Variants in CARF observed in about 807,000 individuals in gnomAD.
CARF encodes calcium-responsive transcription factor.
A neutral mutation model predicts 82.0 loss-of-function variants in CARF; 57 were observed. The observed-to-expected ratio is 0.70, with a 90% CI of 0.56 to 0.87. The LOEUF (loss-of-function observed/expected upper bound fraction) is 0.87, where lower values mean the gene tolerates loss of function less well. Among genes scored for constraint, CARF ranks in the 40% least tolerant of loss-of-function variants. The pLI, the probability that CARF is intolerant of heterozygous loss-of-function variation, is 0.00. For synonymous variants in CARF, 268 were observed against 290.1 expected, an observed-to-expected ratio of 0.92 and a Z score of 0.77; for missense variants, 771 against 855.8, an observed-to-expected ratio of 0.90 and a Z score of 1.24.
intron 14 of CARF, among the ~76,000 whole-genome samples, chr2:202,979,928 T>C (rs543986259): frequency 1.3e-5 from 2 of 152,352 alleles, no homozygotes; most frequent in East Asian, 3.9e-4. Flanking sequence ...AGTTGTATTA[T>C]GGAAGCAATA....
intron 8 of CARF, 142 bp downstream of exon 8, chr2:202,955,900 ATTG>A (rs2059014780): frequency 1.9e-6 from 1 of 515,800 alleles, no homozygotes; most frequent in Non-Finnish European, 3.4e-6. Context: ...GATCTCATCT[ATTG>A]TTGAATTCTT....
chr2:202,940,215 G>A (rs981495894), intron 3 of CARF, among the ~76,000 whole-genome samples: 3 of 151,660 alleles, frequency 2.0e-5, no homozygotes, highest in East Asian at 3.9e-4. Flanking sequence ...TGTATTTTTA[G>A]TAGAGACAGG....
chr2:202,957,861 G>A (rs141834259), intron 8 of CARF, among the ~76,000 whole-genome samples: 122 of 152,004 alleles, frequency 8.0e-4, no homozygotes, highest in African/African-American at 2.4e-3. Context: ...CAGGAGAATC[G>A]CTTGATTTTA....
chr2:202,982,452 A>T lies in CARF; in HGVS notation c.2059+11A>T. The T allele has an allele frequency of 1.2e-6, 2 of 1,613,050 alleles. No homozygotes were observed. Among genetic ancestry groups the T allele is most frequent in the Non-Finnish European group, 1.7e-6 (2 of 1,179,480 alleles). On this transcript the variant is annotated intron_variant, in intron 16 of 16. Coordinates refer to ENST00000438828, the MANE Select transcript of CARF (RefSeq NM_024744.17). Reference sequence around the variant, plus strand: ...ACCACTCAGCTCTTAGTAAGTTGAAATCAATTTATGATGTTATTGTTGTAA... The same window carrying T: ...ACCACTCAGCTCTTAGTAAGTTGAATTCAATTTATGATGTTATTGTTGTAA...
intron 5 of CARF, among the ~76,000 whole-genome samples, chr2:202,947,852 G>A (rs2105826732): frequency 6.6e-6 from 1 of 152,176 alleles, no homozygotes; most frequent in Non-Finnish European, 1.5e-5. Flanking sequence ...AAGCTCTTAA[G>A]TTTATTTAGA....
chr2:202,928,752 C>T (rs1363104963), intron 3 of CARF, among the ~76,000 whole-genome samples: 2 of 152,046 alleles, frequency 1.3e-5, no homozygotes, highest in East Asian at 1.9e-4. Context: ...GTTGACCATT[C>T]GTATGTCTTC....
intron 2 of CARF, among the ~76,000 whole-genome samples, chr2:202,920,988 C>G (rs1690686191): frequency 1.3e-5 from 2 of 151,982 alleles, no homozygotes; most frequent in South Asian, 2.1e-4. Context: ...CTCTTAGAAA[C>G]ATAAAATCTT....
chr2:202,967,035 TAA>T lies in CARF; in HGVS notation c.896_897del (p.Lys299SerfsTer3). The T allele has an allele frequency of 6.2e-7, 1 of 1,614,022 alleles. No homozygotes were observed. Among genetic ancestry groups the T allele is most frequent in the South Asian group, 1.1e-5 (1 of 91,078 alleles). The stretch of plus-strand genomic sequence containing the variant: ...GGGCCAAGAAGAAAAGGTTTCCAGT[TAA>T]AAAAAGTCAGTGAGCAGGAAAGCAG... On this transcript the variant is annotated frameshift_variant, in exon 10 of 17. Coordinates refer to ENST00000438828, the MANE Select transcript of CARF (RefSeq NM_024744.17). LOFTEE classifies it high-confidence loss of function.
chr2:202,970,499 A>G (rs983732587), intron 11 of CARF, among the ~76,000 whole-genome samples: 2 of 152,242 alleles, frequency 1.3e-5, no homozygotes, highest in African/African-American at 4.8e-5. Flanking sequence ...ATAAAATTCC[A>G]TTTCACACCT....
intron 8 of CARF, among the ~76,000 whole-genome samples, chr2:202,960,735 C>T (rs916625518): frequency 1.3e-5 from 2 of 151,218 alleles, no homozygotes; most frequent in Non-Finnish European, 3.0e-5. Flanking sequence ...CCCACCTTCC[C>T]GCCTTCCCGC....
chr2:202,967,193 G>GTA (rs2105901402), intron 10 of CARF, 95 bp downstream of exon 10: 1 of 1,322,262 alleles, frequency 7.6e-7, no homozygotes, highest in South Asian at 1.6e-5. Context: ...GTACCAAAAA[G>GTA]TATACAGTGA....
chr2:202,920,221 C>G (rs1690537414), intron 2 of CARF, among the ~76,000 whole-genome samples: 1 of 151,072 alleles, frequency 6.6e-6, no homozygotes, highest in Non-Finnish European at 1.5e-5. Context: ...GTAGTGCACT[C>G]TCAGCTCACT....
chr2:202,913,529 G>T (rs1468411599), intron 1 of CARF, among the ~76,000 whole-genome samples: 3 of 152,188 alleles, frequency 2.0e-5, no homozygotes, highest in African/African-American at 7.2e-5. Flanking sequence ...ACATTGAGTG[G>T]AGGAATAAAA....
chr2:202,930,952 T>C (rs1054040702), intron 3 of CARF, among the ~76,000 whole-genome samples: 5 of 151,360 alleles, frequency 3.3e-5, no homozygotes, highest in African/African-American at 9.7e-5. Flanking sequence ...CTCTTCCTTA[T>C]GACTTTTTTT....
chr2:202,975,493 C>G (rs2105926113), intron 13 of CARF, among the ~76,000 whole-genome samples: 1 of 152,184 alleles, frequency 6.6e-6, no homozygotes, highest in South Asian at 2.1e-4. Flanking sequence ...CCTGTAATCC[C>G]AGCTACTCGG....
At chr2:202,968,835 A>G (rs1448175599) in intron 10 of CARF, among the ~76,000 whole-genome samples, 2 of 152,362 alleles carry the variant, frequency 1.3e-5, no homozygotes, top group South Asian at 2.1e-4. Context: ...TGTGAAATAT[A>G]TGATTTAACT....
intron 3 of CARF, among the ~76,000 whole-genome samples, chr2:202,939,392 T>C (rs1213825728): frequency 6.6e-6 from 1 of 152,192 alleles, no homozygotes. Flanking sequence ...TTTCAACTTA[T>C]AATAGTTTCC....
intron 9 of CARF, 105 bp from the exon 10 acceptor site, chr2:202,966,873 T>C: frequency 2.9e-6 from 3 of 1,034,842 alleles, no homozygotes; most frequent in Non-Finnish European, 4.3e-6. Context: ...CTTAAAGCTG[T>C]ATATTTGAAA....
chr2:202,975,412 C>A (rs370794698), intron 13 of CARF, among the ~76,000 whole-genome samples: 1 of 151,870 alleles, frequency 6.6e-6, no homozygotes, highest in African/African-American at 2.4e-5. Flanking sequence ...CCACTGCACT[C>A]CAGCCTGGGC....
Sources: gnomAD v4.1 joint callset for allele counts (sites outside exome capture counted in the v4.1 genomes callset) on GRCh38, gnomAD v4.1.1 for gene constraint, MANE v1.5 for transcripts, NCBI Gene and HGNC (gene_info 2026-07-23, HGNC 2026-07-21) for gene names.